SEC14L2: variants seen among roughly 807,000 people sequenced by gnomAD.
SEC14L2 encodes the protein SEC14-like protein 2.
A neutral mutation model predicts 56.9 loss-of-function variants in SEC14L2; 50 were observed. The ratio of observed to expected loss-of-function variants is 0.88; its 90% confidence interval spans 0.70 to 1.11. The LOEUF (loss-of-function observed/expected upper bound fraction) is 1.11, where lower values mean the gene tolerates loss of function less well. SEC14L2 is among the 50% of genes most tolerant of loss of function. SEC14L2 has a pLI of 0.00. For synonymous variants in SEC14L2, 179 were observed against 188.5 expected, an observed-to-expected ratio of 0.95 and a Z score of 0.41; for missense variants, 414 against 500.7, an observed-to-expected ratio of 0.83 and a Z score of 1.65.
At position 30,407,514 on chromosome 22, in the gene SEC14L2, C is replaced by T. The variant is rs1222967343; in HGVS notation, c.334C>T (p.Leu112=). The T allele has an allele frequency of 1.4e-5, 22 of 1,614,162 alleles. No individual in the cohort carries two copies. Among genetic ancestry groups the T allele is most frequent in the Non-Finnish European group, 1.7e-5 (20 of 1,180,026 alleles). The change falls in exon 5 of 12, where the codon CTG becomes TTG. Residue 112 remains leucine (L), a synonymous_variant. Transcript: ENST00000615189. ...IIGPLDAKGL[L]FSASKQDLLR... ...TGGACCTCTGGATGCCAAGGGTCTG[C>T]TGTTCTCAGCCTCCAAACAGGACCT...
At chr22:30,407,381 G>T (rs1472163136) in intron 4 of SEC14L2, 34 bp from the exon 5 acceptor site, 1 of 1,605,246 alleles carries the variant, frequency 6.2e-7, no homozygotes, top group Non-Finnish European at 8.5e-7. Flanking sequence ...ATGGATGCCT[G>T]CTGACCAGGT....
intron 5 of SEC14L2, 90 bp downstream of exon 5, chr22:30,407,693 C>T: frequency 2.6e-6 from 3 of 1,148,520 alleles, no homozygotes; most frequent in South Asian, 1.8e-5. Context: ...ATAAGCACAG[C>T]TTCAGGGCCA....
intron 8 of SEC14L2, among the ~76,000 whole-genome samples, chr22:30,415,146 T>C (rs1182800293): frequency 6.6e-6 from 1 of 152,088 alleles, no homozygotes; most frequent in Non-Finnish European, 1.5e-5. Flanking sequence ...TAAAAAGCCC[T>C]CTCGGCCGGG....
intron 1 of SEC14L2, 58 bp from the exon 2 acceptor site, chr22:30,399,585 G>GGC: frequency 7.7e-7 from 1 of 1,302,336 alleles, no homozygotes. Flanking sequence ...GAGAGTCCTA[G>GGC]GCAGAGGGCA....
chr22:30,410,583 G>A lies in SEC14L2; in HGVS notation c.581-13G>A. On this transcript the variant is annotated splice_polypyrimidine_tract_variant and intron_variant, in intron 7 of 11. Transcript: ENST00000615189. ...ACTGCTCCCAGCCTCACATTATCTG[G>A]TCTCTGTTCCAGCCCCCAAACTGTT... 6.2e-7 allele frequency: 1 copy of A among 1,613,236 alleles called. No homozygotes were observed. Among genetic ancestry groups the A allele is most frequent in the Non-Finnish European group, 8.5e-7 (1 of 1,179,150 alleles).
intron 11 of SEC14L2, chr22:30,416,653 C>A: frequency 1.4e-6 from 2 of 1,432,864 alleles, no homozygotes; most frequent in Non-Finnish European, 1.8e-6. Flanking sequence ...CAGTCCTAGG[C>A]GATCACAGGG....
chr22:30,400,876 C>T (rs1489544873), intron 2 of SEC14L2, among the ~76,000 whole-genome samples: 2 of 105,678 alleles, frequency 1.9e-5, no homozygotes, highest in Non-Finnish European at 3.4e-5. Flanking sequence ...GCCTGGGTGA[C>T]AGAGGGAGAC....
chr22:30,409,159 A>G, intron 5 of SEC14L2, 28 bp from the exon 6 acceptor site: 1 of 1,602,430 alleles, frequency 6.2e-7, no homozygotes, highest in Non-Finnish European at 8.6e-7. Flanking sequence ...ACAGCCTGAC[A>G]AGACTTCCTG....
At chr22:30,403,575 C>A (rs546113160) in intron 2 of SEC14L2, among the ~76,000 whole-genome samples, 4 of 152,188 alleles carry the variant, frequency 2.6e-5, no homozygotes, top group Admixed American at 2.6e-4. Context: ...TGTGGTACTG[C>A]CAAGAGCAGG....
In SEC14L2 at chr22:30,409,237, T is replaced by C. The variant is rs1212822605; in HGVS notation, c.474T>C (p.Leu158=). Residue 158 remains leucine, a synonymous_variant, in exon 6 of 12, where the codon CTT becomes CTC. Transcript: ENST00000615189. The part of the protein sequence containing the change: ...TITIIYDCEG[L]GLKHLWKPAV... ...CCATAATTTATGACTGCGAGGGGCT[T>C]GGCCTCAAGCATCTCTGGAAGCCTG... The C allele has an allele frequency of 6.2e-7, 1 of 1,613,258 alleles. No individual in the cohort carries two copies. Among genetic ancestry groups the C allele is most frequent in the Non-Finnish European group, 8.5e-7 (1 of 1,179,872 alleles).
intron 11 of SEC14L2, chr22:30,416,747 T>A: frequency 7.6e-7 from 1 of 1,313,296 alleles, no homozygotes; most frequent in East Asian, 3.2e-5. Context: ...TTCCCAGAGG[T>A]CACAGAGACA....
intron 8 of SEC14L2, 31 bp from the exon 9 acceptor site, chr22:30,415,728 C>A: frequency 6.3e-7 from 1 of 1,590,322 alleles, no homozygotes; most frequent in South Asian, 1.1e-5. Context: ...TGTTGAGATA[C>A]ATCTTTATCC....
At chr22:30,406,661 C>T (rs1275320343) in intron 3 of SEC14L2, among the ~76,000 whole-genome samples, 1 of 152,178 alleles carries the variant, frequency 6.6e-6, no homozygotes. Context: ...TTCTGGTGAC[C>T]ACTTATGATC....
intron 11 of SEC14L2, among the ~76,000 whole-genome samples, chr22:30,418,788 C>T (rs998970856): frequency 6.6e-6 from 1 of 152,174 alleles, no homozygotes; most frequent in Admixed American, 6.5e-5. Flanking sequence ...CTTGCAAGCT[C>T]ATCTGCGGGA....
At chr22:30,403,387 G>A (rs1933994466) in intron 2 of SEC14L2, among the ~76,000 whole-genome samples, 1 of 152,216 alleles carries the variant, frequency 6.6e-6, no homozygotes, top group Non-Finnish European at 1.5e-5. Context: ...CTGGGAGGGA[G>A]GCAGAGCGGG....
At chr22:30,410,213 T>C (rs1934211709) in intron 7 of SEC14L2, among the ~76,000 whole-genome samples, 1 of 152,130 alleles carries the variant, frequency 6.6e-6, no homozygotes, top group Non-Finnish European at 1.5e-5. Flanking sequence ...CAGTGAGCTA[T>C]GATTGTGCCA....
At chr22:30,398,396 G>A (rs139636778) in intron 1 of SEC14L2, among the ~76,000 whole-genome samples, 4,394 of 152,200 alleles carry the variant, frequency 0.029, 109 homozygotes, top group South Asian at 0.083. Context: ...GGGCAGAGGT[G>A]GCCAGTCCTC....
intron 11 of SEC14L2, among the ~76,000 whole-genome samples, chr22:30,418,554 C>T (rs1934441624): frequency 6.6e-6 from 1 of 152,178 alleles, no homozygotes; most frequent in South Asian, 2.1e-4. Flanking sequence ...CTTGCAAACC[C>T]CCAAATTTAT....
chr22:30,424,936 A>G lies in SEC14L2; in HGVS notation c.*2529A>G. 2.4e-6 allele frequency: 1 copy of G among 422,846 alleles called. No individual in the cohort carries two copies. The allele number at this position is 422,846 out of a possible 1,614,324, so 26.2% of individuals were successfully genotyped here. Reference sequence around the variant, plus strand: ...CCAACATCCTGTCCCCAAGAAGCTCAGTCTGGGGACATACTGATCCAGTTA... The same window carrying G: ...CCAACATCCTGTCCCCAAGAAGCTCGGTCTGGGGACATACTGATCCAGTTA... On this transcript the variant is annotated 3_prime_UTR_variant, in exon 12 of 12. Coordinates refer to ENST00000615189, the MANE Select transcript of SEC14L2 (RefSeq NM_012429.5).
Sources: gnomAD v4.1 joint callset for allele counts (sites outside exome capture counted in the v4.1 genomes callset) on GRCh38, gnomAD v4.1.1 for gene constraint, MANE v1.5 for transcripts, NCBI Gene and HGNC (gene_info 2026-07-23, HGNC 2026-07-21) for gene names.